The following MPHOSPH9 variants were observed in gnomAD, a reference collection of about 807,000 sequenced individuals.
MPHOSPH9 encodes M-phase phosphoprotein 9.
MPHOSPH9 carries 88 observed loss-of-function variants against 145.5 expected under a neutral mutation model. The ratio of observed to expected loss-of-function variants is 0.60; its 90% confidence interval spans 0.51 to 0.72. The LOEUF (loss-of-function observed/expected upper bound fraction) is 0.72, where lower values mean the gene tolerates loss of function less well. Ranked by LOEUF, MPHOSPH9 falls within the 30% of genes least tolerant of loss-of-function variation. The pLI is 0.00. For synonymous variants in MPHOSPH9, 435 were observed against 486.2 expected, an observed-to-expected ratio of 0.89 and a Z score of 1.39; for missense variants, 1,238 against 1,386.6, an observed-to-expected ratio of 0.89 and a Z score of 1.70.
At chr12:123,203,398 A>C in intron 8 of MPHOSPH9, 23 bp from the exon 9 acceptor site, 1 of 1,557,842 alleles carries the variant, frequency 6.4e-7, no homozygotes, top group African/African-American at 1.4e-5. Context: ...AAACAAAATT[A>C]AATGGTGTTA....
At position 123,203,470 on chromosome 12, in the gene MPHOSPH9, T is replaced by TTAAGCAAA. The variant is rs2046305048; in HGVS notation, c.1195-103_1195-96dup. ...ACCATAAAAAGATTTTTGAAAGACT[T>TTAAGCAAA]TAAGCAAATTGAAAATGTAGACTGT... On this transcript the variant is annotated intron_variant, in intron 8 of 23. Transcript: ENST00000606320. 4.4e-6 allele frequency: 5 copies of TTAAGCAAA among 1,145,090 alleles called. No individual in the cohort carries two copies. In the East Asian group the frequency reaches 1.3e-4, roughly 29 times the overall value. 70.9% of individuals were successfully genotyped at this position (1,145,090 alleles called of 1,614,324 possible). A position where few individuals can be genotyped will look rare whatever the true frequency, so the allele number is the denominator to read the frequency against.
Position 123,159,553 on chromosome 12 carries a change from A to G in MPHOSPH9, c.3450+1228T>C, listed in dbSNP as rs944170331. ...GGAAGAGCTTATCTTCATACACGGC[A>G]GGTAGGAGTAGAAATTGTCTCAAAC... On this transcript the variant is annotated intron_variant, in intron 23 of 23. Transcript: ENST00000606320. This position sits in a 1 kb window ranked among gnomAD's most constrained non-coding sequence, Gnocchi z 4.3. The G allele has an allele frequency of 1.3e-5, 2 of 152,074 alleles. No individual in the cohort carries two copies. The highest frequency in any genetic ancestry group is 2.9e-5 in the Non-Finnish European group (2 of 68,020). 9.4% of individuals were successfully genotyped at this position (152,074 alleles called of 1,614,324 possible). A position where few individuals can be genotyped will look rare whatever the true frequency, so the allele number is the denominator to read the frequency against.
At chr12:123,235,525 C>A (rs1426580919), upstream of MPHOSPH9, among the ~76,000 whole-genome samples, 1 of 151,282 alleles carries the variant, frequency 6.6e-6, no homozygotes, top group East Asian at 2.0e-4. Flanking sequence ...CCACCAGGCC[C>A]AGCTAATTTT....
intron 16 of MPHOSPH9, among the ~76,000 whole-genome samples, chr12:123,168,398 G>A (rs2044413260): frequency 6.6e-6 from 1 of 150,798 alleles, no homozygotes; most frequent in South Asian, 2.1e-4. Flanking sequence ...CTGGAGTACG[G>A]TGGCGTGATC....
intron 16 of MPHOSPH9, among the ~76,000 whole-genome samples, chr12:123,175,445 G>A (rs963721033): frequency 9.9e-5 from 15 of 151,992 alleles, no homozygotes; most frequent in African/African-American, 3.1e-4. Flanking sequence ...GAGCCACGGC[G>A]CCCAGCCAAG....
chr12:123,209,004 C>G (rs987812966), intron 8 of MPHOSPH9, among the ~76,000 whole-genome samples: 1 of 152,154 alleles, frequency 6.6e-6, no homozygotes, highest in African/African-American at 2.4e-5. Flanking sequence ...ACCATCTTGG[C>G]TCACTGCAAT....
At chr12:123,200,412 G>A (rs1048694676) in intron 11 of MPHOSPH9, among the ~76,000 whole-genome samples, 9 of 151,764 alleles carry the variant, frequency 5.9e-5, no homozygotes, top group Non-Finnish European at 8.8e-5. Flanking sequence ...AACCAAGCCT[G>A]CCACTGTTAT....
chr12:123,178,344 A>G (rs1670025851), intron 15 of MPHOSPH9, among the ~76,000 whole-genome samples: 1 of 152,256 alleles, frequency 6.6e-6, no homozygotes, highest in African/African-American at 2.4e-5. Context: ...GAAAGCTATC[A>G]CTAGAACTGA....
At chr12:123,201,871 A>G (rs917879579) in intron 11 of MPHOSPH9, among the ~76,000 whole-genome samples, 1 of 152,172 alleles carries the variant, frequency 6.6e-6, no homozygotes, top group African/African-American at 2.4e-5. Context: ...CACAGGACAT[A>G]AGCCATAGAC....
chr12:123,227,423 A>C, intron 3 of MPHOSPH9, 40 bp downstream of exon 3: 1 of 1,371,300 alleles, frequency 7.3e-7, no homozygotes. Context: ...GTTTTAACAT[A>C]ATTATTTTAA....
At position 123,181,167 on chromosome 12, in the gene MPHOSPH9, A is replaced by C. The variant is rs1593114945; in HGVS notation, c.2285T>G (p.Val762Gly). The C allele has an allele frequency of 6.2e-7, 1 of 1,611,074 alleles. No homozygotes were observed. Among genetic ancestry groups the C allele is most frequent in the South Asian group, 1.1e-5 (1 of 90,980 alleles). Residue 762 changes from valine to glycine, a missense_variant, in exon 14 of 24, where the codon GTA (valine) becomes GGA (glycine). Coordinates refer to ENST00000606320, the MANE Select transcript of MPHOSPH9 (RefSeq NM_022782.4). ...ACATGAACCATTACCCCTTACCTTT[A>C]CTCTCCTGTGTTCTTTTCCAAGGGA... Reference protein sequence around the residue: ...YESLGKEHRRVKDALNTTENK... With the variant: ...YESLGKEHRRGKDALNTTENK...
chr12:123,237,039 T>G (rs2047862178), upstream of MPHOSPH9, among the ~76,000 whole-genome samples: 1 of 150,268 alleles, frequency 6.7e-6, no homozygotes, highest in South Asian at 2.1e-4. Flanking sequence ...GAGCTGAGAT[T>G]GCGCCACTGC....
chr12:123,180,073 C>T, intron 14 of MPHOSPH9, 83 bp from the exon 15 acceptor site: 1 of 762,178 alleles, frequency 1.3e-6, no homozygotes. Context: ...GAAAATGAAT[C>T]TAAGGCTAAA....
intron 20 of MPHOSPH9, 83 bp from the exon 21 acceptor site, chr12:123,162,301 C>T: frequency 1.7e-6 from 1 of 596,088 alleles, no homozygotes; most frequent in Non-Finnish European, 2.7e-6. Context: ...AGCTGGCATC[C>T]AGCTAACTCA....
intron 13 of MPHOSPH9, among the ~76,000 whole-genome samples, chr12:123,185,359 C>T (rs574204498): frequency 2.0e-5 from 3 of 151,200 alleles, no homozygotes; most frequent in East Asian, 1.9e-4. Context: ...TACAAAATTT[C>T]GGCATACCAA....
At chr12:123,161,945 AAC>A (rs1555215135) in intron 21 of MPHOSPH9, among the ~76,000 whole-genome samples, 168 bp downstream of exon 21, 1 of 152,244 alleles carries the variant, frequency 6.6e-6, no homozygotes, top group Non-Finnish European at 1.5e-5. Flanking sequence ...CAATGAGGAT[AAC>A]AACATTGACA....
chr12:123,209,475 C>T (rs1403925032), intron 8 of MPHOSPH9, among the ~76,000 whole-genome samples: 3 of 151,916 alleles, frequency 2.0e-5, no homozygotes, highest in Non-Finnish European at 4.4e-5. Context: ...GGCACAATCT[C>T]GGTTCAGTGC....
intron 11 of MPHOSPH9, 77 bp from the exon 12 acceptor site, chr12:123,198,411 C>A (rs751918644): frequency 1.1e-5 from 13 of 1,151,586 alleles, no homozygotes; most frequent in African/African-American, 7.8e-5. Context: ...CTAACCAATT[C>A]TCTAATATAT....
At chr12:123,176,551 G>A in intron 16 of MPHOSPH9, 137 bp downstream of exon 16, 1 of 623,454 alleles carries the variant, frequency 1.6e-6, no homozygotes, top group Non-Finnish European at 2.8e-6. Context: ...ACAATGTTCA[G>A]TAATTAATCT....
Sources: gnomAD v4.1 joint callset for allele counts (sites outside exome capture counted in the v4.1 genomes callset) on GRCh38, gnomAD v4.1.1 for gene constraint, Gnocchi (gnomAD v3.1) non-coding constraint, MANE v1.5 for transcripts, NCBI Gene and HGNC (gene_info 2026-07-23, HGNC 2026-07-21) for gene names.